The following NKAIN2 variants were observed in gnomAD, a reference collection of about 807,000 sequenced individuals.
NKAIN2 encodes the protein sodium/potassium transporting ATPase interacting 2, also known as sodium/potassium-transporting ATPase subunit beta-1-interacting protein 2.
A neutral mutation model predicts 32.6 loss-of-function variants in NKAIN2; 14 were observed. That is an observed-to-expected ratio of 0.43 (90% confidence interval 0.28 to 0.67). The LOEUF (loss-of-function observed/expected upper bound fraction) is 0.67, where lower values mean the gene tolerates loss of function less well. Ranked by LOEUF, NKAIN2 falls within the 30% of genes least tolerant of loss-of-function variation. NKAIN2 has a pLI of 0.17. For synonymous variants in NKAIN2, 80 were observed against 87.2 expected (o/e 0.92, Z 0.46); for missense variants, 198 against 258.3 (o/e 0.77, Z 1.60).
At chr6:124,212,427 TTAA>T (rs1056043994) in intron 1 of NKAIN2, among the ~76,000 whole-genome samples, 1 of 152,104 alleles carries the variant, frequency 6.6e-6, no homozygotes, top group African/African-American at 2.4e-5. Flanking sequence ...GAAACAGATC[TTAA>T]TAATATTAGT....
intron 3 of NKAIN2, among the ~76,000 whole-genome samples, chr6:124,489,547 A>G (rs891140102): frequency 2.6e-5 from 4 of 151,878 alleles, no homozygotes; most frequent in Non-Finnish European, 5.9e-5. Context: ...CAAAACACTT[A>G]TATCAGCCTA....
At chr6:123,986,755 A>C (rs1779155320) in intron 1 of NKAIN2, among the ~76,000 whole-genome samples, 1 of 152,168 alleles carries the variant, frequency 6.6e-6, no homozygotes, top group South Asian at 2.1e-4. Context: ...TAGCCTATTT[A>C]ACACCTTCAA....
In NKAIN2 at chr6:123,810,827, G is replaced by A. The variant is rs543178438; in HGVS notation, c.54+6573G>A. Among the ~76,000 whole-genome samples the A allele has an allele frequency of 1.4e-4, 22 of 152,040 alleles. 1 individual carries two copies. The South Asian group carries it at 4.0e-3, about 27-fold the overall frequency. The stretch of plus-strand genomic sequence containing the variant: ...ATATTTGCCATAATTATTGTACTTG[G>A]GAAGAAATAGAGTAAATATGTTATT... On this transcript the variant is annotated intron_variant, in intron 1 of 6. Coordinates refer to ENST00000368417, the MANE Select transcript of NKAIN2 (RefSeq NM_001040214.3).
intron 1 of NKAIN2, among the ~76,000 whole-genome samples, chr6:124,048,723 T>G (rs1562328253): frequency 6.6e-6 from 1 of 152,056 alleles, no homozygotes; most frequent in Non-Finnish European, 1.5e-5. Flanking sequence ...GCAATTTTCA[T>G]TTTGAAATAA....
intron 4 of NKAIN2, among the ~76,000 whole-genome samples, chr6:124,775,507 G>C (rs1276828600): frequency 6.6e-6 from 1 of 152,074 alleles, no homozygotes; most frequent in African/African-American, 2.4e-5. Context: ...AATTATATAG[G>C]AGATTTTGAC....
At chr6:124,366,910 AGAGT>A (rs1799540069) in intron 3 of NKAIN2, among the ~76,000 whole-genome samples, 1 of 147,756 alleles carries the variant, frequency 6.8e-6, no homozygotes, top group South Asian at 2.1e-4. Context: ...CCTGGGTGAC[AGAGT>A]GAGACCCTGT....
chr6:124,323,738 T>C (rs554112109), intron 2 of NKAIN2, among the ~76,000 whole-genome samples: 21 of 152,120 alleles, frequency 1.4e-4, no homozygotes, highest in African/African-American at 4.8e-4. Flanking sequence ...TCTCACTTTC[T>C]TCTTTTGAAA....
chr6:124,322,272 G>A (rs186661226), intron 2 of NKAIN2, among the ~76,000 whole-genome samples: 299 of 152,100 alleles, frequency 2.0e-3, no homozygotes, highest in Non-Finnish European at 3.4e-3. Context: ...TCAATGACTG[G>A]CTAAAAAGAT....
intron 3 of NKAIN2, among the ~76,000 whole-genome samples, chr6:124,454,634 G>T (rs1776250799): frequency 6.6e-6 from 1 of 151,990 alleles, no homozygotes; most frequent in South Asian, 2.1e-4. Context: ...TGTCTTTTAG[G>T]TAACAATCAG....
intron 1 of NKAIN2, among the ~76,000 whole-genome samples, chr6:123,847,108 G>A (rs749748646): frequency 3.9e-5 from 6 of 152,182 alleles, no homozygotes; most frequent in Non-Finnish European, 7.3e-5. Flanking sequence ...ATCAGCCTGT[G>A]TCATCTGTCA....
At chr6:124,225,598 C>T (rs970083887) in intron 1 of NKAIN2, among the ~76,000 whole-genome samples, 43 of 151,280 alleles carry the variant, frequency 2.8e-4, no homozygotes, top group African/African-American at 1.0e-3. Context: ...AAGCATGCAC[C>T]GTTATCAAGA....
chr6:124,604,561 T>A (rs1212187252), intron 3 of NKAIN2, among the ~76,000 whole-genome samples: 1 of 151,802 alleles, frequency 6.6e-6, no homozygotes, highest in Non-Finnish European at 1.5e-5. Flanking sequence ...TCTTTCTCTC[T>A]ATGCTTGATA....
chr6:123,955,850 A>G (rs921914315), intron 1 of NKAIN2, among the ~76,000 whole-genome samples: 9 of 152,138 alleles, frequency 5.9e-5, no homozygotes, highest in African/African-American at 2.2e-4. Flanking sequence ...CTGGTCTCAA[A>G]TTCCTGACCT....
intron 1 of NKAIN2, among the ~76,000 whole-genome samples, chr6:124,043,451 A>G (rs889263707): frequency 1.3e-5 from 2 of 152,116 alleles, no homozygotes; most frequent in African/African-American, 4.8e-5. Context: ...CCTATATGAC[A>G]GTGGCTAATC....
intron 3 of NKAIN2, among the ~76,000 whole-genome samples, chr6:124,554,230 C>T (rs1215662730): frequency 6.6e-6 from 1 of 152,180 alleles, no homozygotes; most frequent in Non-Finnish European, 1.5e-5. Context: ...GCTAACTATT[C>T]TTGGCAGACA....
In NKAIN2 at chr6:124,282,401, A is replaced by G. The variant is rs1795338856; in HGVS notation, c.55-604A>G. Among the ~76,000 whole-genome samples, 2 of 152,120 alleles carry G rather than the reference A, an allele frequency of 1.3e-5. 1 individual carries two copies. Among genetic ancestry groups the G allele is most frequent in the South Asian group, 4.1e-4 (2 of 4,830 alleles). ...CATATTTGATCTATAATACAACACT[A>G]TTAGAACTAGAAGGACCCTACACAC... On this transcript the variant is annotated intron_variant, in intron 1 of 6. Transcript: ENST00000368417.
chr6:124,599,747 C>G (rs1782236953), intron 3 of NKAIN2, among the ~76,000 whole-genome samples: 1 of 152,108 alleles, frequency 6.6e-6, no homozygotes, highest in Non-Finnish European at 1.5e-5. Context: ...TCTTTTGCAG[C>G]CCAAAGGAAG....
At chr6:124,534,673 T>C (rs565091575) in intron 3 of NKAIN2, among the ~76,000 whole-genome samples, 20 of 152,352 alleles carry the variant, frequency 1.3e-4, no homozygotes, top group African/African-American at 4.8e-4. Flanking sequence ...ATCTTATTAC[T>C]TCTGCCCAGA....
chr6:123,921,121 C>T (rs1303246926), intron 1 of NKAIN2, among the ~76,000 whole-genome samples: 1 of 152,044 alleles, frequency 6.6e-6, no homozygotes, highest in Non-Finnish European at 1.5e-5. Flanking sequence ...AAATTACTGT[C>T]CTAAATGGAG....
Sources: gnomAD v4.1 joint callset for allele counts (sites outside exome capture counted in the v4.1 genomes callset) on GRCh38, gnomAD v4.1.1 for gene constraint, MANE v1.5 for transcripts, NCBI Gene and HGNC (gene_info 2026-07-23, HGNC 2026-07-21) for gene names.